Variants in P2RY8 observed in about 807,000 individuals in gnomAD.
The protein encoded by P2RY8 is P2Y receptor family member 8.
A neutral mutation model predicts 10.0 loss-of-function variants in P2RY8; 6 were observed. The ratio of observed to expected loss-of-function variants is 0.60; its 90% confidence interval spans 0.33 to 1.19. The LOEUF (loss-of-function observed/expected upper bound fraction) is 1.19, where lower values mean the gene tolerates loss of function less well. Among genes scored for constraint, P2RY8 ranks in the 50% most tolerant of loss-of-function variants. P2RY8 has a pLI of 0.04. For missense variants in P2RY8, 456 were observed against 542.0 expected (o/e 0.84, Z 1.58); for synonymous variants, 276 against 252.5 (o/e 1.09, Z -0.88).
chrX:1,534,953 G>A (rs1357928814), intron 1 of P2RY8, among the ~76,000 whole-genome samples: 2 of 152,012 alleles, frequency 1.3e-5, no homozygotes, highest in Admixed American at 1.3e-4. Context: ...GCAGCCAGGC[G>A]GGGACCTGGC....
chrX:1,484,341 G>A (rs1447353596), intron 1 of P2RY8, among the ~76,000 whole-genome samples: 1 of 151,976 alleles, frequency 6.6e-6, no homozygotes, highest in Admixed American at 6.6e-5. Context: ...TGTTCTCTTT[G>A]TGACCTAAGG....
intron 1 of P2RY8, among the ~76,000 whole-genome samples, chrX:1,530,208 C>T (rs1316826242): frequency 2.2e-5 from 3 of 139,120 alleles, no homozygotes; most frequent in African/African-American, 8.2e-5. Context: ...ATCTATCTAT[C>T]TATCTATGTA....
chrX:1,501,385 G>C (rs2092177605), intron 1 of P2RY8, among the ~76,000 whole-genome samples: 1 of 152,170 alleles, frequency 6.6e-6, no homozygotes, highest in South Asian at 2.1e-4. Flanking sequence ...GAGACATAAG[G>C]TCTTGCTCTG....
chrX:1,477,670 C>T (rs2091890842), intron 1 of P2RY8, among the ~76,000 whole-genome samples: 1 of 152,070 alleles, frequency 6.6e-6, no homozygotes, highest in Non-Finnish European at 1.5e-5. Context: ...ATCCCAGGGA[C>T]ACTGCTCAAC....
chrX:1,520,617 T>G (rs1206452237), intron 1 of P2RY8, among the ~76,000 whole-genome samples: 2 of 151,694 alleles, frequency 1.3e-5, no homozygotes, highest in Non-Finnish European at 2.9e-5. Context: ...TCCCCAATCC[T>G]CTCCCTGATC....
intron 1 of P2RY8, among the ~76,000 whole-genome samples, chrX:1,489,398 T>G (rs1357243665): frequency 6.6e-6 from 1 of 151,604 alleles, no homozygotes; most frequent in African/African-American, 2.4e-5. Context: ...AATGAATGAC[T>G]GACACCCAGG....
intron 1 of P2RY8, among the ~76,000 whole-genome samples, chrX:1,485,574 G>A (rs2091979200): frequency 2.0e-5 from 3 of 148,632 alleles, no homozygotes; most frequent in African/African-American, 7.4e-5. Flanking sequence ...AATTTAATAT[G>A]TAAATAATAT....
chrX:1,535,996 C>A (rs2092523347), intron 1 of P2RY8, among the ~76,000 whole-genome samples: 1 of 152,006 alleles, frequency 6.6e-6, no homozygotes, highest in Non-Finnish European at 1.5e-5. Flanking sequence ...TCCCTGGCAC[C>A]GAGGGGGTGA....
rs2091600510 is a variant in P2RY8, at chrX:1,462,712, G to A, written c.*2767C>T. The A allele has an allele frequency of 8.6e-6, 2 of 233,064 alleles. No homozygotes were observed. Among genetic ancestry groups the A allele is most frequent in the African/African-American group, 4.4e-5 (2 of 45,336 alleles). The allele number at this position is 233,064 out of a possible 1,614,324, so 14.4% of individuals were successfully genotyped here. ...AGTCCTCCCGCCTGAGCCTCCCAAA[G>A]TGCTGAGATTACCGGCATGAGCTGC... On this transcript the variant is annotated 3_prime_UTR_variant, in exon 2 of 2. Coordinates refer to ENST00000381297, the MANE Select transcript of P2RY8 (RefSeq NM_178129.5).
chrX:1,486,978 C>G (rs1278882529), intron 1 of P2RY8, among the ~76,000 whole-genome samples: 2 of 152,246 alleles, frequency 1.3e-5, no homozygotes, highest in Admixed American at 1.3e-4. Context: ...CGAGCTTCCG[C>G]TTTTGGGGGA....
rs1207627982 is a variant in P2RY8, at chrX:1,465,871, C to CCCGG, written c.684_687dup (p.Glu230ProfsTer114). On this transcript the variant is annotated frameshift_variant, in exon 2 of 2. Coordinates refer to ENST00000381297, the MANE Select transcript of P2RY8 (RefSeq NM_178129.5). LOFTEE classifies it high-confidence loss of function. ...AGGCCCACCGCGCGCCTCCGCTGCTCCCGGCCGTGCGCCTCCTCCGTGCGC... is the reference window on the plus strand; with the variant it reads ...AGGCCCACCGCGCGCCTCCGCTGCTCCCGGCCGGCCGTGCGCCTCCTCCGTGCGC... The CCCGG allele has an allele frequency of 6.2e-7, 1 of 1,612,354 alleles. No homozygotes were observed. The highest frequency in any genetic ancestry group is 1.7e-5 in the Admixed American group (1 of 59,954).
intron 1 of P2RY8, among the ~76,000 whole-genome samples, chrX:1,489,041 G>T (rs2092015277): frequency 6.6e-6 from 1 of 151,878 alleles, no homozygotes; most frequent in South Asian, 2.1e-4. Context: ...GGGAAAGAAT[G>T]AATGACACCC....
rs867264818 is a variant in P2RY8, at chrX:1,517,837, G to A, written c.-25+19084C>T. 2.6e-5 allele frequency among the ~76,000 whole-genome samples: 4 copies of A among 152,234 alleles called. No individual in the cohort carries two copies. In the South Asian group the frequency reaches 6.2e-4, roughly 24 times the overall value. ...TCTTAGTAATCTCTCGGCCACACGC[G>A]GTGGCTCACGCCTGTCATTCCAGCG... is the stretch of plus-strand genomic sequence containing the variant. On this transcript the variant is annotated intron_variant, in intron 1 of 1. Coordinates refer to ENST00000381297, the MANE Select transcript of P2RY8 (RefSeq NM_178129.5).
At position 1,534,100 on chromosome X, in the gene P2RY8, A is replaced by ATATATAATATATTTACATATATATTTT. The variant is rs1569539020; in HGVS notation, c.-25+2820_-25+2821insAAAATATATATGTAAATATATTATATA. Among the ~76,000 whole-genome samples the ATATATAATATATTTACATATATATTTT allele has an allele frequency of 4.1e-3, 534 of 131,684 alleles. 3 individuals are homozygous for ATATATAATATATTTACATATATATTTT. Among genetic ancestry groups the ATATATAATATATTTACATATATATTTT allele is most frequent in the African/African-American group, 0.015 (499 of 34,194 alleles). The allele number at this position is 131,684 out of a possible 152,430, so 86.4% of individuals were successfully genotyped here. A position where few individuals can be genotyped will look rare whatever the true frequency, so the allele number is the denominator to read the frequency against. ...ATATAATATATTTACATATATATTT[A>ATATATAATATATTTACATATATATTTT]TATATAATATATTTACATATATTAT... On this transcript the variant is annotated intron_variant, in intron 1 of 1. Coordinates refer to ENST00000381297, the MANE Select transcript of P2RY8 (RefSeq NM_178129.5).
At chrX:1,511,613 G>A (rs1390011774) in intron 1 of P2RY8, among the ~76,000 whole-genome samples, 1 of 152,152 alleles carries the variant, frequency 6.6e-6, no homozygotes, top group Admixed American at 6.5e-5. Context: ...TCCAACTCCT[G>A]GGTTCAAACT....
rs1166278571 is a variant in P2RY8 at position 1,493,459 on chromosome X, G to C, written c.-24-26877C>G. 9.5e-5 allele frequency among the ~76,000 whole-genome samples: 11 copies of C among 115,474 alleles called. 1 individual carries two copies. Among genetic ancestry groups the C allele is most frequent in the African/African-American group, 3.9e-4 (11 of 27,882 alleles). 75.8% of individuals were successfully genotyped at this position (115,474 alleles called of 152,430 possible). The stretch of plus-strand genomic sequence containing the variant: ...GGGAAGGAGGAGGAAGGAGGAAGGA[G>C]GGAGGAGGGAGGGAGGGAAGGAAGG... On this transcript the variant is annotated intron_variant, in intron 1 of 1. Coordinates refer to ENST00000381297, the MANE Select transcript of P2RY8 (RefSeq NM_178129.5).
chrX:1,509,778 T>TATCTATCTATCTATCTATCTATCTATCA (rs2092282330), intron 1 of P2RY8, among the ~76,000 whole-genome samples: 5 of 106,306 alleles, frequency 4.7e-5, no homozygotes, highest in Non-Finnish European at 1.0e-4. Flanking sequence ...TCTATCTATC[T>TATCTATCTATCTATCTATCTATCTATCA]ATCATCTATG....
At chrX:1,477,780 C>G (rs191230214) in intron 1 of P2RY8, among the ~76,000 whole-genome samples, 4 of 152,238 alleles carry the variant, frequency 2.6e-5, no homozygotes, top group South Asian at 4.1e-4. Flanking sequence ...AACTGTGTGA[C>G]AAGAGCAGCC....
At chrX:1,531,484 T>C (rs2092475270) in intron 1 of P2RY8, among the ~76,000 whole-genome samples, 1 of 151,982 alleles carries the variant, frequency 6.6e-6, no homozygotes, top group Non-Finnish European at 1.5e-5. Flanking sequence ...GCCCGAGGGG[T>C]TAGCATGCTC....
Sources: gnomAD v4.1 joint callset for allele counts (sites outside exome capture counted in the v4.1 genomes callset) on GRCh38, gnomAD v4.1.1 for gene constraint, MANE v1.5 for transcripts, NCBI Gene and HGNC (gene_info 2026-07-23, HGNC 2026-07-21) for gene names.